The following EXOC6B variants were observed in gnomAD, a reference collection of about 807,000 sequenced individuals.
EXOC6B encodes exocyst complex component 6B, also known as SEC15 homolog B.
EXOC6B carries 54 observed loss-of-function variants against 113.5 expected under a neutral mutation model. The observed-to-expected ratio is 0.48, with a 90% confidence interval of 0.38 to 0.60. The LOEUF (loss-of-function observed/expected upper bound fraction) is 0.60. EXOC6B is among the 20% of genes least tolerant of loss of function. EXOC6B has a pLI of 0.00. For missense variants in EXOC6B, 797 were observed against 977.5 expected (o/e 0.82, Z 2.46); for synonymous variants, 357 against 339.0 (o/e 1.05, Z -0.58).
intron 1 of EXOC6B, among the ~76,000 whole-genome samples, chr2:72,799,097 G>A (rs924091736): frequency 7.9e-5 from 12 of 151,490 alleles, no homozygotes; most frequent in African/African-American, 2.9e-4. Flanking sequence ...AAAATTACCC[G>A]GGCATGGTAG....
At chr2:72,522,866 G>T (rs10460572) in intron 8 of EXOC6B, among the ~76,000 whole-genome samples, 130,639 of 152,228 alleles carry the variant, frequency 0.86, 56,460 homozygotes, top group East Asian at 0.99. Flanking sequence ...ACAAAAATCT[G>T]TTCTCCAGCA....
intron 19 of EXOC6B, among the ~76,000 whole-genome samples, chr2:72,362,175 T>C (rs1219098633): frequency 6.6e-6 from 1 of 152,188 alleles, no homozygotes; most frequent in African/African-American, 2.4e-5. Context: ...TCTGATAAGA[T>C]GCATTCTATC....
chr2:72,368,071 G>C (rs1188227983), intron 19 of EXOC6B, among the ~76,000 whole-genome samples: 1 of 152,154 alleles, frequency 6.6e-6, no homozygotes, highest in East Asian at 1.9e-4. Flanking sequence ...AGCCAGGGCA[G>C]CTAAGGGAAT....
chr2:72,526,214 T>C (rs1434669958), intron 8 of EXOC6B, among the ~76,000 whole-genome samples: 3 of 151,954 alleles, frequency 2.0e-5, no homozygotes, highest in Admixed American at 6.6e-5. Context: ...CATTTAAAAA[T>C]GTAAATTAAA....
intron 6 of EXOC6B, among the ~76,000 whole-genome samples, chr2:72,695,009 C>T (rs905798211): frequency 6.6e-6 from 1 of 152,148 alleles, no homozygotes; most frequent in Non-Finnish European, 1.5e-5. Flanking sequence ...CCATCCCAGC[C>T]GCTACTCCAC....
chr2:72,597,556 T>C (rs1359168688), intron 6 of EXOC6B, among the ~76,000 whole-genome samples: 1 of 151,786 alleles, frequency 6.6e-6, no homozygotes, highest in Non-Finnish European at 1.5e-5. Flanking sequence ...AATAAGAATA[T>C]AAAAGTAATA....
At chr2:72,678,609 G>C (rs1298415761) in intron 6 of EXOC6B, among the ~76,000 whole-genome samples, 1 of 152,116 alleles carries the variant, frequency 6.6e-6, no homozygotes, top group African/African-American at 2.4e-5. Flanking sequence ...GGGAGGCTGA[G>C]GCACAAGAAT....
chr2:72,224,846 G>GTA (rs771058234), intron 20 of EXOC6B, among the ~76,000 whole-genome samples: 1,531 of 148,558 alleles, frequency 0.01, 28 homozygotes, highest in African/African-American at 0.03. Flanking sequence ...GTATGTGTGT[G>GTA]TATATATATA....
chr2:72,692,788 C>T (rs1677592506), intron 6 of EXOC6B, among the ~76,000 whole-genome samples: 1 of 152,158 alleles, frequency 6.6e-6, no homozygotes, highest in East Asian at 1.9e-4. Flanking sequence ...TGACTACAAT[C>T]CAGCTGCATA....
chr2:72,413,213 G>T (rs1027712165), intron 18 of EXOC6B, among the ~76,000 whole-genome samples: 12 of 150,742 alleles, frequency 8.0e-5, no homozygotes, highest in Non-Finnish European at 1.8e-4. Flanking sequence ...CGCCCACCTC[G>T]GCCTCCCAAA....
intron 20 of EXOC6B, among the ~76,000 whole-genome samples, chr2:72,207,567 G>A (rs191649921): frequency 6.6e-6 from 1 of 152,178 alleles, no homozygotes; most frequent in Non-Finnish European, 1.5e-5. Context: ...GATAATTGAT[G>A]ATAAGGATGA....
At chr2:72,796,377 C>T (rs1684950594) in intron 1 of EXOC6B, among the ~76,000 whole-genome samples, 1 of 149,308 alleles carries the variant, frequency 6.7e-6, no homozygotes, top group Non-Finnish European at 1.5e-5. Flanking sequence ...CATTTGAACC[C>T]AGGAGGTGGA....
At chr2:72,742,393 G>T (rs1409488096) in intron 1 of EXOC6B, among the ~76,000 whole-genome samples, 1 of 151,896 alleles carries the variant, frequency 6.6e-6, no homozygotes, top group African/African-American at 2.4e-5. Flanking sequence ...TTGAACTCCT[G>T]GCCTTGGACA....
At position 72,176,719 on chromosome 2, in the gene EXOC6B, T is replaced by C. The variant is rs41417; in HGVS notation, c.*2616A>G. On this transcript the variant is annotated 3_prime_UTR_variant, in exon 22 of 22. Coordinates refer to ENST00000272427, the MANE Select transcript of EXOC6B (RefSeq NM_015189.3). ...ACTGAAACCTAATAGAGTCCCAAAC[T>C]GAACTGTCCCTTCAGGAATATAGAC... 21,241 of 152,198 alleles carry C rather than the reference T, an allele frequency of 0.14. 1,900 individuals are homozygous for C. The highest frequency in any genetic ancestry group is 0.19 in the Non-Finnish European group (12,864 of 68,010). 9.4% of individuals were successfully genotyped at this position (152,198 alleles called of 1,614,324 possible). A position where few individuals can be genotyped will look rare whatever the true frequency, so the allele number is the denominator to read the frequency against.
intron 10 of EXOC6B, among the ~76,000 whole-genome samples, chr2:72,514,229 G>A (rs759972074): frequency 4.6e-4 from 70 of 152,034 alleles, no homozygotes; most frequent in Non-Finnish European, 7.9e-4. Flanking sequence ...AAGCAGTTGT[G>A]AAAGAGACCA....
intron 6 of EXOC6B, among the ~76,000 whole-genome samples, chr2:72,605,825 C>T (rs979004834): frequency 6.6e-6 from 1 of 152,016 alleles, no homozygotes; most frequent in African/African-American, 2.4e-5. Context: ...GTAACTAAAA[C>T]AAACCTTCTT....
intron 6 of EXOC6B, among the ~76,000 whole-genome samples, chr2:72,709,434 C>T (rs1679124610): frequency 6.6e-6 from 1 of 152,108 alleles, no homozygotes. Flanking sequence ...TAGATCCAAA[C>T]CTCAAACTTG....
intron 1 of EXOC6B, among the ~76,000 whole-genome samples, chr2:72,797,846 A>T (rs1432244580): frequency 2.6e-5 from 4 of 151,172 alleles, no homozygotes; most frequent in Admixed American, 1.3e-4. Flanking sequence ...TAATAATAAT[A>T]ATTATCAGCA....
intron 8 of EXOC6B, among the ~76,000 whole-genome samples, chr2:72,525,149 T>G (rs1354011056): frequency 1.3e-5 from 2 of 152,246 alleles, no homozygotes; most frequent in Non-Finnish European, 2.9e-5. Flanking sequence ...TGATGTTTGA[T>G]GATTATGGAG....
Sources: gnomAD v4.1 joint callset for allele counts (sites outside exome capture counted in the v4.1 genomes callset) on GRCh38, gnomAD v4.1.1 for gene constraint, MANE v1.5 for transcripts, NCBI Gene and HGNC (gene_info 2026-07-23, HGNC 2026-07-21) for gene names.